The following PDE1C variants were observed in gnomAD, a reference collection of about 807,000 sequenced individuals.
PDE1C encodes dual specificity calcium/calmodulin-dependent 3',5'-cyclic nucleotide phosphodiesterase 1C.
A neutral mutation model predicts 93.1 loss-of-function variants in PDE1C; 62 were observed. The observed-to-expected ratio is 0.67, with a 90% CI of 0.54 to 0.82. The LOEUF is 0.82. Ranked by LOEUF, PDE1C falls within the 40% of genes least tolerant of loss-of-function variation. The probability of loss-of-function intolerance (pLI) is 0.00; values close to 1 mark genes in which losing one functional copy is unlikely to be tolerated. For synonymous variants in PDE1C, 325 were observed against 310.1 expected, an observed-to-expected ratio of 1.05 and a Z score of -0.50; for missense variants, 742 against 884.6, an observed-to-expected ratio of 0.84 and a Z score of 2.04.
chr7:31,982,928 CA>C (rs1358648443), intron 2 of PDE1C, among the ~76,000 whole-genome samples: 1 of 152,066 alleles, frequency 6.6e-6, no homozygotes, highest in Admixed American at 6.6e-5. Context: ...AGCTCCATGC[CA>C]AAAAAATTAT....
chr7:31,708,640 G>A, the PDE1C span, among the ~76,000 whole-genome samples: 4 of 152,342 alleles, frequency 2.6e-5, 1 homozygote, highest in African/African-American at 9.6e-5. Context: ...GAGAAGTGAT[G>A]TAAAATTCCG....
intron 11 of PDE1C, among the ~76,000 whole-genome samples, chr7:31,835,743 G>A (rs1366076011): frequency 1.3e-5 from 2 of 151,764 alleles, no homozygotes; most frequent in African/African-American, 4.8e-5. Context: ...ATAAATCAGT[G>A]GAAATAAACT....
chr7:31,711,473 T>A, the PDE1C span, among the ~76,000 whole-genome samples: 10 of 152,154 alleles, frequency 6.6e-5, no homozygotes, highest in Admixed American at 3.3e-4. Context: ...ACTCTTAGCC[T>A]AGTGCTGTTT....
Position 32,007,774 on chromosome 7 carries a change from A to C in PDE1C, c.128+43780T>G, listed in dbSNP as rs778197266. 1.3e-3 allele frequency among the ~76,000 whole-genome samples: 204 copies of C among 152,270 alleles called. 1 individual carries two copies. Among genetic ancestry groups the C allele is most frequent in the Non-Finnish European group, 1.3e-3 (86 of 68,020 alleles). On this transcript the variant is annotated intron_variant, in intron 2 of 17. Coordinates refer to ENST00000396191, the MANE Select transcript of PDE1C (RefSeq NM_001191057.4). ...ATTCTACCAGCATGGAAACTCAAAT[A>C]AATCATTGATTTGTTTATTTTTCAT...
intron 1 of PDE1C, among the ~76,000 whole-genome samples, chr7:32,377,434 G>C (rs902669024): frequency 6.6e-6 from 1 of 152,168 alleles, no homozygotes; most frequent in African/African-American, 2.4e-5. Context: ...TTTTTAAGTA[G>C]CGTATGGTTC....
chr7:31,728,623 T>C, the PDE1C span, among the ~76,000 whole-genome samples: 8 of 152,288 alleles, frequency 5.3e-5, no homozygotes, highest in South Asian at 6.2e-4. Context: ...ACTGAGGATA[T>C]AGAGATAAAA....
the PDE1C span, among the ~76,000 whole-genome samples, chr7:31,679,074 C>T: frequency 6.6e-6 from 1 of 152,190 alleles, no homozygotes; most frequent in Non-Finnish European, 1.5e-5. Flanking sequence ...GTAAAAACTA[C>T]ATGCTTACTT....
chr7:31,731,962 G>A, the PDE1C span, among the ~76,000 whole-genome samples: 229 of 152,298 alleles, frequency 1.5e-3, 1 homozygote, highest in African/African-American at 5.0e-3. Flanking sequence ...AGCAGGACTC[G>A]CCCCATTGGA....
chr7:31,718,905 T>A, the PDE1C span, among the ~76,000 whole-genome samples: 1 of 151,982 alleles, frequency 6.6e-6, no homozygotes, highest in South Asian at 2.1e-4. Flanking sequence ...GTAAGTAGAG[T>A]CAAGGTTGTC....
intron 2 of PDE1C, among the ~76,000 whole-genome samples, chr7:32,001,439 T>A (rs1563171663): frequency 6.6e-6 from 1 of 152,232 alleles, no homozygotes. Flanking sequence ...TGTATTATTA[T>A]CATGTATTAC....
intron 1 of PDE1C, among the ~76,000 whole-genome samples, chr7:32,371,582 C>T (rs1784335763): frequency 6.6e-6 from 1 of 152,108 alleles, no homozygotes; most frequent in South Asian, 2.1e-4. Context: ...AAATGGCTGG[C>T]CATTGAGTTA....
the PDE1C span, chr7:31,643,261 C>A: frequency 6.2e-7 from 1 of 1,613,818 alleles, no homozygotes; most frequent in Non-Finnish European, 8.5e-7. Flanking sequence ...TCACACCAAC[C>A]ACAGCTTACT....
At chr7:32,363,132 TG>T (rs144099977) in intron 1 of PDE1C, among the ~76,000 whole-genome samples, 1,678 of 152,338 alleles carry the variant, frequency 0.011, 34 homozygotes, top group African/African-American at 0.038. Flanking sequence ...CCTTTGAAAG[TG>T]AAAGGGGGCA....
rs143190617 is a variant in PDE1C at position 31,939,109 on chromosome 7, C to T, written c.129-58249G>A. On this transcript the variant is annotated intron_variant, in intron 2 of 17. Transcript: ENST00000396191. ...ATTTAAAATTATTACTCTAGCAGTG[C>T]GAGGACAAAACTAGGTGGTTGGTCT... Among the ~76,000 whole-genome samples, 1,011 of 152,124 alleles carry T rather than the reference C, an allele frequency of 6.6e-3. 12 individuals are homozygous for T. Among genetic ancestry groups the T allele is most frequent in the African/African-American group, 0.022 (908 of 41,498 alleles).
chr7:31,913,414 A>G (rs531254831), intron 2 of PDE1C, among the ~76,000 whole-genome samples: 1 of 152,236 alleles, frequency 6.6e-6, no homozygotes, highest in South Asian at 2.1e-4. Flanking sequence ...AGGTGAAAAA[A>G]AAAACATAAA....
intron 1 of PDE1C, among the ~76,000 whole-genome samples, chr7:32,284,635 A>C (rs1811883176): frequency 6.6e-6 from 1 of 152,144 alleles, no homozygotes; most frequent in African/African-American, 2.4e-5. Flanking sequence ...TCTGTCTAGA[A>C]TGTTCCCAGA....
intron 2 of PDE1C, among the ~76,000 whole-genome samples, chr7:32,172,244 G>C (rs1363449056): frequency 3.3e-5 from 5 of 152,006 alleles, no homozygotes; most frequent in Admixed American, 3.3e-4. Flanking sequence ...GTCAGGTTGA[G>C]TGAACAGGCA....
intron 2 of PDE1C, among the ~76,000 whole-genome samples, chr7:32,175,593 G>A (rs1051245290): frequency 2.0e-5 from 3 of 152,154 alleles, no homozygotes; most frequent in Non-Finnish European, 4.4e-5. Flanking sequence ...CACTCAAGAA[G>A]CTTTGAAGAG....
At chr7:32,038,309 G>A (rs1277757799) in intron 2 of PDE1C, among the ~76,000 whole-genome samples, 1 of 152,032 alleles carries the variant, frequency 6.6e-6, no homozygotes, top group Non-Finnish European at 1.5e-5. Flanking sequence ...CAATAAATGA[G>A]ATCCTGAAGA....
Sources: allele counts gnomAD v4.1 joint callset (sites outside exome capture counted in the v4.1 genomes callset), GRCh38; gene constraint gnomAD v4.1.1; transcripts MANE v1.5; gene names NCBI Gene and HGNC (gene_info 2026-07-23, HGNC 2026-07-21).